PIK3C2G: variants seen among roughly 807,000 people sequenced by gnomAD.
PIK3C2G encodes the protein phosphatidylinositol 3-kinase C2 domain-containing subunit gamma.
Under a neutral mutation model 181.1 loss-of-function variants are expected in PIK3C2G, and 168 were observed. The observed-to-expected ratio is 0.93, with a 90% CI of 0.82 to 1.05. The LOEUF is 1.05. Among genes scored for constraint, PIK3C2G ranks in the 50% least tolerant of loss-of-function variants. The pLI is 0.00. For missense variants in PIK3C2G, 1,869 were observed against 1,732.8 expected (o/e 1.08, Z -1.40); for synonymous variants, 573 against 592.2 (o/e 0.97, Z 0.47).
At chr12:18,383,211 T>C (rs1273185877) in intron 14 of PIK3C2G, among the ~76,000 whole-genome samples, 1 of 152,198 alleles carries the variant, frequency 6.6e-6, no homozygotes, top group Non-Finnish European at 1.5e-5. Flanking sequence ...TCACATTTGA[T>C]TCATGTTTTA....
At chr12:18,433,518 T>A (rs778826003) in intron 18 of PIK3C2G, among the ~76,000 whole-genome samples, 2 of 152,080 alleles carry the variant, frequency 1.3e-5, no homozygotes, top group Non-Finnish European at 2.9e-5. Context: ...AGAGCTAGAC[T>A]CCATCTCGAA....
chr12:18,431,344 A>T (rs1946149038), intron 18 of PIK3C2G, among the ~76,000 whole-genome samples: 1 of 152,204 alleles, frequency 6.6e-6, no homozygotes, highest in Non-Finnish European at 1.5e-5. Flanking sequence ...GGCTAACATT[A>T]GCATCCAGGC....
intron 24 of PIK3C2G, among the ~76,000 whole-genome samples, chr12:18,511,993 GT>G (rs1475654017): frequency 1.3e-5 from 2 of 151,782 alleles, no homozygotes; most frequent in Non-Finnish European, 2.9e-5. Flanking sequence ...ATTTTTTGTG[GT>G]TGATGTAAGC....
chr12:18,552,180 C>T (rs1369503528), intron 26 of PIK3C2G, among the ~76,000 whole-genome samples: 2 of 152,056 alleles, frequency 1.3e-5, no homozygotes, highest in Non-Finnish European at 2.9e-5. Context: ...ACACAGGAGC[C>T]AGAATCCCTG....
At chr12:18,297,157 C>A (rs1032968366) in intron 5 of PIK3C2G, among the ~76,000 whole-genome samples, 1 of 152,012 alleles carries the variant, frequency 6.6e-6, no homozygotes, top group Admixed American at 6.6e-5. Flanking sequence ...GTCCCTGCAT[C>A]TCTCTTTTTG....
At chr12:18,386,653 A>G (rs1312431127) in intron 14 of PIK3C2G, among the ~76,000 whole-genome samples, 1 of 152,168 alleles carries the variant, frequency 6.6e-6, no homozygotes, top group African/African-American at 2.4e-5. Flanking sequence ...ACATTTTTAT[A>G]CAATAATATT....
intron 18 of PIK3C2G, among the ~76,000 whole-genome samples, chr12:18,459,831 G>A (rs760082215): frequency 2.6e-5 from 4 of 152,024 alleles, no homozygotes; most frequent in Non-Finnish European, 1.5e-5. Context: ...GCCCAATCTC[G>A]GCTCACTGCA....
chr12:18,368,273 A>T (rs1941783518), intron 12 of PIK3C2G, among the ~76,000 whole-genome samples: 1 of 152,208 alleles, frequency 6.6e-6, no homozygotes, highest in South Asian at 2.1e-4. Context: ...TAATAATTGA[A>T]TAAATGAATA....
intron 26 of PIK3C2G, among the ~76,000 whole-genome samples, chr12:18,553,836 C>T (rs1944860761): frequency 6.6e-6 from 1 of 151,980 alleles, no homozygotes; most frequent in African/African-American, 2.4e-5. Context: ...TAGTTTGCTA[C>T]CTTTTAGACT....
chr12:18,603,203 C>G (rs1412135746), intron 30 of PIK3C2G, among the ~76,000 whole-genome samples: 1 of 152,094 alleles, frequency 6.6e-6, no homozygotes, highest in Non-Finnish European at 1.5e-5. Flanking sequence ...AAACTTCAGA[C>G]ACATTTTTAG....
rs7296530 is a variant in PIK3C2G at position 18,528,340 on chromosome 12, A to G, written c.3324-9816A>G. On this transcript the variant is annotated intron_variant, in intron 24 of 32. Coordinates refer to ENST00000538779, the MANE Select transcript of PIK3C2G (RefSeq NM_001288772.2). ...TTCTATTCCCATTCACTATTATGGGAGTCTACAACTTTTAGAAATCTTTAA... is the reference window on the plus strand; with the variant it reads ...TTCTATTCCCATTCACTATTATGGGGGTCTACAACTTTTAGAAATCTTTAA... 7.4e-3 allele frequency among the ~76,000 whole-genome samples: 1,121 copies of G among 152,266 alleles called. 13 individuals carry two copies. The highest frequency in any genetic ancestry group is 0.025 in the African/African-American group (1,059 of 41,564).
rs774233435 is a variant in PIK3C2G at position 18,320,912 on chromosome 12, TACTC to T, written c.1138-48_1138-45del. On this transcript the variant is annotated intron_variant, in intron 6 of 32. Coordinates refer to ENST00000538779, the MANE Select transcript of PIK3C2G (RefSeq NM_001288772.2). ...AAGTTACGGACCTATTTTTATCTGG[TACTC>T]ATTCCTATTCACTCAATAAATATTA... 4 of 971,136 alleles carry T rather than the reference TACTC, an allele frequency of 4.1e-6. No individual in the cohort carries two copies. In the East Asian group the frequency reaches 7.5e-5, roughly 18 times the overall value. The allele number at this position is 971,136 out of a possible 1,614,324, so 60.2% of individuals were successfully genotyped here. A position where few individuals can be genotyped will look rare whatever the true frequency, so the allele number is the denominator to read the frequency against.
intron 18 of PIK3C2G, among the ~76,000 whole-genome samples, chr12:18,481,471 T>C (rs906561606): frequency 4.6e-5 from 7 of 152,218 alleles, no homozygotes; most frequent in Admixed American, 3.3e-4. Flanking sequence ...GAACTCTTCA[T>C]TGTAGGTTGT....
intron 18 of PIK3C2G, among the ~76,000 whole-genome samples, chr12:18,449,623 C>T (rs544803636): frequency 1.9e-3 from 289 of 152,268 alleles, no homozygotes; most frequent in African/African-American, 6.7e-3. Flanking sequence ...CTGCAAAGGA[C>T]ATGAATTCAT....
chr12:18,561,977 T>C (rs1945367369), intron 26 of PIK3C2G, among the ~76,000 whole-genome samples: 2 of 151,686 alleles, frequency 1.3e-5, no homozygotes, highest in Non-Finnish European at 3.0e-5. Flanking sequence ...ACTGTTTACA[T>C]ATAAGGAAAG....
At chr12:18,684,739 A>G in the PIK3C2G span, among the ~76,000 whole-genome samples, 4 of 152,072 alleles carry the variant, frequency 2.6e-5, no homozygotes, top group Non-Finnish European at 4.4e-5. Flanking sequence ...TCATTTTTCT[A>G]TACTAAGTCC....
At chr12:18,568,755 T>C (rs555961696) in intron 29 of PIK3C2G, among the ~76,000 whole-genome samples, 4 of 152,304 alleles carry the variant, frequency 2.6e-5, no homozygotes, top group Admixed American at 2.0e-4. Flanking sequence ...CCCAGCCAAG[T>C]TGACAGACAA....
chr12:18,553,154 T>A (rs564800350), intron 26 of PIK3C2G, among the ~76,000 whole-genome samples: 15 of 152,164 alleles, frequency 9.9e-5, no homozygotes, highest in Non-Finnish European at 2.1e-4. Context: ...GCAATTAGGC[T>A]ACAATCGTTT....
In PIK3C2G at chr12:18,562,844, G is replaced by T; in HGVS notation, c.3732G>T (p.Arg1244Ser). 2 of 1,606,998 alleles carry T rather than the reference G, an allele frequency of 1.2e-6. No individual in the cohort carries two copies. The highest frequency in any genetic ancestry group is 8.5e-7 in the Non-Finnish European group (1 of 1,176,222). The change falls in exon 27 of 33, where the codon AGG becomes AGT. Residue 1244 changes from arginine to serine, a missense_variant. By Grantham distance (110) the Arg-to-Ser change is moderately radical. Transcript: ENST00000538779. ...AATCCTGTTTGCTGAGTACAACTAG[G>T]TCGATTGAAAGAGCAACAATTTTAG... Reference protein sequence around the residue: ...PQESCLLSTTRSIERATILGF... With the variant: ...PQESCLLSTTSSIERATILGF...
Sources: allele counts gnomAD v4.1 joint callset (sites outside exome capture counted in the v4.1 genomes callset), GRCh38; gene constraint gnomAD v4.1.1; transcripts MANE v1.5; gene names NCBI Gene and HGNC (gene_info 2026-07-23, HGNC 2026-07-21).